Variants in CDKN2B-AS1 observed in about 807,000 individuals in gnomAD.
CDKN2B-AS1 encodes CDKN2B antisense RNA 1 (non-protein coding).
In CDKN2B-AS1 at chr9:21,999,419, A is replaced by G. The variant is rs908615260; in HGVS notation, n.29+4258A>G. Among the ~76,000 whole-genome samples the G allele has an allele frequency of 3.3e-5, 5 of 151,924 alleles. No homozygotes were observed. The highest frequency in any genetic ancestry group is 1.9e-4 in the East Asian group (1 of 5,188). On this transcript the variant is annotated intron_variant and non_coding_transcript_variant, in intron 1 of 4. Coordinates refer to ENST00000650946, the Ensembl canonical transcript of CDKN2B-AS1. This position sits in a 1 kb window ranked among gnomAD's most constrained non-coding sequence, Gnocchi z 4.7. ...CCTATAACTCATGTATGTAACATAT[A>G]TAATACATATCTTTATATACACATA...
intron 4 of CDKN2B-AS1, among the ~76,000 whole-genome samples, chr9:22,099,486 G>T (rs906611513): frequency 5.9e-5 from 9 of 152,140 alleles, no homozygotes; most frequent in Non-Finnish European, 7.4e-5. Context: ...CTTGTTTTTA[G>T]ATGCACATAT....
At chr9:22,076,936 C>A (rs1009497932) in intron 4 of CDKN2B-AS1, among the ~76,000 whole-genome samples, 6 of 152,186 alleles carry the variant, frequency 3.9e-5, no homozygotes, top group African/African-American at 1.4e-4. Flanking sequence ...CTGCCCACCT[C>A]AGCCTCCCAA....
At position 21,997,410 on chromosome 9, in the gene CDKN2B-AS1, G is replaced by A. The variant is rs2131159323; in HGVS notation, n.29+2249G>A. On this transcript the variant is annotated intron_variant and non_coding_transcript_variant, in intron 1 of 4. Transcript: ENST00000650946. This position sits in a 1 kb window ranked among gnomAD's most constrained non-coding sequence, Gnocchi z 4.8. ...TTATCCAGCACATGACTCTGTGTGT[G>A]TATACAATTTTATATATACGTACAT... Among the ~76,000 whole-genome samples, 1 of 152,020 alleles carries A rather than the reference G, an allele frequency of 6.6e-6. No individual in the cohort carries two copies. Among genetic ancestry groups the A allele is most frequent in the South Asian group, 2.1e-4 (1 of 4,812 alleles).
intron 4 of CDKN2B-AS1, chr9:22,096,397 C>T (rs771843489): frequency 9.2e-5 from 14 of 152,164 alleles, no homozygotes; most frequent in Admixed American, 5.9e-4. Context: ...TAATGAGAAA[C>T]AGACATGCTC....
chr9:22,004,083 C>T lies in CDKN2B-AS1; in HGVS notation n.29+8922C>T, dbSNP rs3217988. 524 of 232,532 alleles carry T rather than the reference C, an allele frequency of 2.3e-3. 2 individuals are homozygous for T. The highest frequency in any genetic ancestry group is 6.2e-3 in the Admixed American group (110 of 17,786). 14.4% of individuals were successfully genotyped at this position (232,532 alleles called of 1,614,324 possible). Reference sequence around the variant, plus strand: ...CATTGTCCTCATCTGGGAAACAATACCTATCTCTCAGGTTTAAATATTAAA... The same window carrying T: ...CATTGTCCTCATCTGGGAAACAATATCTATCTCTCAGGTTTAAATATTAAA... On this transcript the variant is annotated intron_variant and non_coding_transcript_variant, in intron 1 of 4. Transcript: ENST00000650946.
chr9:22,086,792 C>G (rs1428368447), intron 4 of CDKN2B-AS1, among the ~76,000 whole-genome samples: 1 of 152,142 alleles, frequency 6.6e-6, no homozygotes, highest in Non-Finnish European at 1.5e-5. Context: ...TATCTGGAAT[C>G]TTAATAAACG....
At chr9:22,093,088 AG>A (rs1825151264) in intron 4 of CDKN2B-AS1, among the ~76,000 whole-genome samples, 1 of 151,784 alleles carries the variant, frequency 6.6e-6, no homozygotes. Flanking sequence ...TGTACCCAGT[AG>A]TCATTCAGGA....
intron 1 of CDKN2B-AS1, among the ~76,000 whole-genome samples, chr9:22,024,035 A>T (rs1275851657): frequency 6.6e-6 from 1 of 152,128 alleles, no homozygotes. Flanking sequence ...TTGAGTTTTC[A>T]GTGTTCTTGT....
At chr9:22,048,141 A>T (rs1305665351) in intron 2 of CDKN2B-AS1, among the ~76,000 whole-genome samples, 1 of 152,106 alleles carries the variant, frequency 6.6e-6, no homozygotes, top group African/African-American at 2.4e-5. Context: ...GACATAAATA[A>T]TTGGTATATT....
chr9:22,014,983 C>T (rs1465886289), intron 1 of CDKN2B-AS1, among the ~76,000 whole-genome samples: 1 of 151,994 alleles, frequency 6.6e-6, no homozygotes, highest in Non-Finnish European at 1.5e-5. Flanking sequence ...TGTATATATG[C>T]CACATTTTCT....
chr9:22,023,356 C>T (rs1822090017), intron 1 of CDKN2B-AS1, among the ~76,000 whole-genome samples: 1 of 151,832 alleles, frequency 6.6e-6, no homozygotes, highest in Admixed American at 6.6e-5. Context: ...GTCTGCTTGT[C>T]TAATTTTGGA....
At chr9:22,028,801 C>T (rs1281462899) in intron 1 of CDKN2B-AS1, among the ~76,000 whole-genome samples, 3 of 151,940 alleles carry the variant, frequency 2.0e-5, no homozygotes, top group Non-Finnish European at 4.4e-5. Flanking sequence ...AAAACTCTGC[C>T]ATTATAGATT....
intron 4 of CDKN2B-AS1, among the ~76,000 whole-genome samples, chr9:22,121,675 C>A (rs552481408): frequency 1.8e-4 from 27 of 152,038 alleles, no homozygotes; most frequent in African/African-American, 6.5e-4. Flanking sequence ...ATTTCTGTTC[C>A]TGGCTTATTT....
At chr9:22,068,487 G>A (rs1260808085) in intron 4 of CDKN2B-AS1, among the ~76,000 whole-genome samples, 1 of 152,166 alleles carries the variant, frequency 6.6e-6, no homozygotes, top group East Asian at 1.9e-4. Flanking sequence ...CGGCAGATGA[G>A]ACACTATGTA....
chr9:22,035,259 G>A (rs1347173781), intron 1 of CDKN2B-AS1, among the ~76,000 whole-genome samples: 3 of 151,918 alleles, frequency 2.0e-5, no homozygotes, highest in East Asian at 3.9e-4. Flanking sequence ...AGTTCTTGTT[G>A]GTGCTTATTT....
At chr9:22,028,986 C>G (rs998998228) in intron 1 of CDKN2B-AS1, among the ~76,000 whole-genome samples, 1 of 151,830 alleles carries the variant, frequency 6.6e-6, no homozygotes, top group Non-Finnish European at 1.5e-5. Flanking sequence ...GAACTTGTTT[C>G]TCTAACTGGC....
intron 1 of CDKN2B-AS1, among the ~76,000 whole-genome samples, chr9:22,028,428 A>G (rs1333659543): frequency 1.3e-5 from 2 of 152,156 alleles, no homozygotes; most frequent in Non-Finnish European, 2.9e-5. Flanking sequence ...AATTTTCAAA[A>G]TTCAGTAGCT....
intron 4 of CDKN2B-AS1, chr9:22,096,556 A>T (rs1300641630): frequency 6.6e-6 from 1 of 152,198 alleles, no homozygotes; most frequent in Non-Finnish European, 1.5e-5. Context: ...TGATCTTGTT[A>T]TTCCCTGCTT....
chr9:22,061,456 AT>A (rs1823815457), intron 4 of CDKN2B-AS1, among the ~76,000 whole-genome samples: 1 of 152,168 alleles, frequency 6.6e-6, no homozygotes, highest in South Asian at 2.1e-4. Context: ...AAATATAAAG[AT>A]CTTTAAAAAG....
Sources: gnomAD v4.1 joint callset for allele counts (sites outside exome capture counted in the v4.1 genomes callset) on GRCh38, gnomAD v4.1.1 for gene constraint, Gnocchi (gnomAD v3.1) non-coding constraint, MANE v1.5 for transcripts, NCBI Gene and HGNC (gene_info 2026-07-23, HGNC 2026-07-21) for gene names.